ATRNL1: variants seen among roughly 807,000 people sequenced by gnomAD.
The protein encoded by ATRNL1 is attractin-like protein 1.
ATRNL1 carries 95 observed loss-of-function variants against 182.7 expected under a neutral mutation model. The ratio of observed to expected loss-of-function variants is 0.52; its 90% confidence interval spans 0.44 to 0.62. The LOEUF (loss-of-function observed/expected upper bound fraction) is 0.62. Among genes scored for constraint, ATRNL1 ranks in the 20% least tolerant of loss-of-function variants. The pLI is 0.00. For missense variants in ATRNL1, 1,471 were observed against 1,679.5 expected, an observed-to-expected ratio of 0.88 and a Z score of 2.17; for synonymous variants, 576 against 568.3, an observed-to-expected ratio of 1.01 and a Z score of -0.19.
chr10:115,215,672 A>C, intron 8 of ATRNL1, 25 bp from the exon 9 acceptor site: 1 of 1,531,478 alleles, frequency 6.5e-7, no homozygotes, highest in Admixed American at 2.2e-5. Flanking sequence ...CTTGAAATTT[A>C]TAATGTATTT....
At chr10:115,254,547 GA>G (rs1462352514) in intron 10 of ATRNL1, among the ~76,000 whole-genome samples, 1 of 152,122 alleles carries the variant, frequency 6.6e-6, no homozygotes, top group African/African-American at 2.4e-5. Context: ...CCCTTTGTCA[GA>G]TGGGTAGATT....
intron 28 of ATRNL1, among the ~76,000 whole-genome samples, chr10:115,919,880 T>C (rs1044360393): frequency 2.0e-5 from 3 of 152,132 alleles, no homozygotes; most frequent in Admixed American, 6.5e-5. Flanking sequence ...CTAGAATCTC[T>C]TTTATAAGGG....
chr10:115,476,760 T>G (rs782268656), intron 24 of ATRNL1, among the ~76,000 whole-genome samples: 1 of 151,390 alleles, frequency 6.6e-6, no homozygotes, highest in Non-Finnish European at 1.5e-5. Context: ...CTTTCTGGCC[T>G]TAACCTTTTT....
intron 1 of ATRNL1, among the ~76,000 whole-genome samples, chr10:115,110,513 G>C (rs1318644740): frequency 6.6e-6 from 1 of 152,174 alleles, no homozygotes; most frequent in Non-Finnish European, 1.5e-5. Flanking sequence ...CAGTGAATAA[G>C]CCTGGAAGTG....
chr10:115,172,723 A>C (rs539056358), intron 8 of ATRNL1, among the ~76,000 whole-genome samples: 6 of 151,216 alleles, frequency 4.0e-5, no homozygotes, highest in African/African-American at 7.3e-5. Flanking sequence ...TTTTTCCACT[A>C]TCTCTCACTC....
At chr10:115,783,039 G>A (rs1407599944) in intron 27 of ATRNL1, among the ~76,000 whole-genome samples, 1 of 152,160 alleles carries the variant, frequency 6.6e-6, no homozygotes, top group Non-Finnish European at 1.5e-5. Flanking sequence ...AAAGTGCTTA[G>A]TGATCTGGTT....
At chr10:115,200,260 G>T (rs1554892032) in intron 8 of ATRNL1, among the ~76,000 whole-genome samples, 1 of 149,216 alleles carries the variant, frequency 6.7e-6, no homozygotes, top group East Asian at 2.0e-4. Flanking sequence ...AAGTTTTAGG[G>T]TACATGTGCA....
chr10:115,161,426 A>C (rs1394374428), intron 6 of ATRNL1, among the ~76,000 whole-genome samples: 2 of 152,058 alleles, frequency 1.3e-5, no homozygotes, highest in East Asian at 3.8e-4. Flanking sequence ...AATGATATTT[A>C]AATGTGAAAA....
chr10:115,558,458 C>G (rs1439453980), intron 26 of ATRNL1, among the ~76,000 whole-genome samples: 1 of 152,172 alleles, frequency 6.6e-6, no homozygotes, highest in African/African-American at 2.4e-5. Flanking sequence ...GGTCCCTGCT[C>G]GGCCTGTGGC....
intron 19 of ATRNL1, among the ~76,000 whole-genome samples, chr10:115,358,100 C>G (rs1554943303): frequency 6.6e-5 from 10 of 151,518 alleles, no homozygotes. Flanking sequence ...CTCTTGTGTT[C>G]TTGTTAGATG....
intron 1 of ATRNL1, among the ~76,000 whole-genome samples, chr10:115,094,251 G>T (rs2084955799): frequency 6.6e-6 from 1 of 151,910 alleles, no homozygotes; most frequent in Non-Finnish European, 1.5e-5. Context: ...GCTCGGGCCC[G>T]CGCGGAGCCC....
At chr10:115,821,671 T>C (rs1474666725) in intron 27 of ATRNL1, among the ~76,000 whole-genome samples, 1 of 151,876 alleles carries the variant, frequency 6.6e-6, no homozygotes, top group Non-Finnish European at 1.5e-5. Flanking sequence ...CCAGCAAAGA[T>C]CAAAAAAGAC....
At chr10:115,446,855 G>A (rs1040924968) in intron 21 of ATRNL1, among the ~76,000 whole-genome samples, 3 of 151,660 alleles carry the variant, frequency 2.0e-5, no homozygotes, top group Non-Finnish European at 4.4e-5. Context: ...GTGGATCTCC[G>A]ATTTTCTTGG....
intron 26 of ATRNL1, among the ~76,000 whole-genome samples, chr10:115,663,713 G>A (rs1018366288): frequency 5.9e-5 from 9 of 152,002 alleles, no homozygotes; most frequent in Admixed American, 1.3e-4. Context: ...GGGAGATGAG[G>A]ACTAAACATG....
intron 8 of ATRNL1, among the ~76,000 whole-genome samples, chr10:115,207,088 T>C (rs1397365337): frequency 4.6e-5 from 7 of 152,196 alleles, no homozygotes; most frequent in Non-Finnish European, 1.0e-4. Context: ...CAGTCTATCA[T>C]TGATGGACAT....
intron 28 of ATRNL1, among the ~76,000 whole-genome samples, chr10:115,881,785 C>T (rs2066806340): frequency 6.6e-6 from 1 of 152,160 alleles, no homozygotes; most frequent in African/African-American, 2.4e-5. Context: ...GTGCTGCCTA[C>T]CCAGGTCTGT....
chr10:115,568,818 C>T (rs1854215902), intron 26 of ATRNL1, among the ~76,000 whole-genome samples: 2 of 151,230 alleles, frequency 1.3e-5, no homozygotes, highest in South Asian at 4.2e-4. Context: ...TAACCTAGTC[C>T]ACACTTTCCC....
At chr10:115,289,818 A>G (rs1554920258) in intron 15 of ATRNL1, among the ~76,000 whole-genome samples, 1 of 152,140 alleles carries the variant, frequency 6.6e-6, no homozygotes, top group African/African-American at 2.4e-5. Context: ...TGGTAGTTTG[A>G]TAGCTCTAGC....
chr10:115,260,458 C>T (rs782027085), intron 10 of ATRNL1, among the ~76,000 whole-genome samples: 1 of 152,164 alleles, frequency 6.6e-6, no homozygotes, highest in Admixed American at 6.5e-5. Context: ...AATGGTTCCA[C>T]CTGATCAGAA....
Sources: allele counts gnomAD v4.1 joint callset (sites outside exome capture counted in the v4.1 genomes callset), GRCh38; gene constraint gnomAD v4.1.1; transcripts MANE v1.5; gene names NCBI Gene and HGNC (gene_info 2026-07-23, HGNC 2026-07-21).